DLG3: variants seen among roughly 807,000 people sequenced by gnomAD.
DLG3 encodes discs large MAGUK scaffold protein 3.
DLG3 carries 1 observed loss-of-function variant against 64.1 expected under a neutral mutation model. That is an observed-to-expected ratio of 0.02 (90% CI 0.01 to 0.07). DLG3 has a LOEUF of 0.07. DLG3 is among the 10% of genes least tolerant of loss of function. The pLI is 1.00. For synonymous variants in DLG3, 245 were observed against 259.8 expected (o/e 0.94, Z 0.55); for missense variants, 429 against 669.5 (o/e 0.64, Z 3.96).
chrX:70,473,030 G>A (rs1181969581), intron 9 of DLG3, among the ~76,000 whole-genome samples: 24 of 108,189 alleles, frequency 2.2e-4, no homozygotes, highest in Non-Finnish European at 2.5e-4. Context: ...GGTGGCAGGC[G>A]CCTGTAATCC....
chrX:70,486,825 A>G (rs781165629), intron 10 of DLG3, among the ~76,000 whole-genome samples: 11 of 110,660 alleles, frequency 9.9e-5, no homozygotes, highest in African/African-American at 3.6e-4. Context: ...CTAAGGATAA[A>G]AGGAGGAAGA....
intron 9 of DLG3, among the ~76,000 whole-genome samples, chrX:70,456,545 T>C (rs1156850412): frequency 5.4e-5 from 6 of 111,832 alleles, no homozygotes; most frequent in Admixed American, 4.7e-4. Context: ...ATTCCTGCAG[T>C]GTTTATTGCT....
At chrX:70,485,496 CG>C (rs2087238269) in intron 10 of DLG3, among the ~76,000 whole-genome samples, 1 of 111,400 alleles carries the variant, frequency 9.0e-6, no homozygotes, top group Non-Finnish European at 1.9e-5. Flanking sequence ...AGGGGACTGA[CG>C]GAGCATCTCA....
At chrX:70,464,284 C>G (rs373109909) in intron 9 of DLG3, among the ~76,000 whole-genome samples, 8 of 92,367 alleles carry the variant, frequency 8.7e-5, no homozygotes, top group Admixed American at 3.8e-4. Context: ...TTTCTCTTTT[C>G]TTTTGTCTCA....
At position 70,452,606 on chromosome X, in the gene DLG3, G is replaced by C. The variant is rs776898687; in HGVS notation, c.1145+580G>C. On this transcript the variant is annotated intron_variant, in intron 7 of 18. Transcript: ENST00000374360. Reference sequence around the variant, plus strand: ...GAGCCGGAAGGGTAGGCAGCCAGGGGAGAGAGAGAGGAGCTATGGAGAGGG... The same window carrying C: ...GAGCCGGAAGGGTAGGCAGCCAGGGCAGAGAGAGAGGAGCTATGGAGAGGG... 6.8e-6 allele frequency: 8 copies of C among 1,168,688 alleles called. No individual in the cohort carries two copies. In the South Asian group the frequency reaches 1.5e-4, roughly 22 times the overall value.
intron 6 of DLG3, chrX:70,451,066 G>A: frequency 2.6e-6 from 1 of 382,243 alleles, no homozygotes; most frequent in East Asian, 4.5e-5. Flanking sequence ...AGAGGATAGT[G>A]CACAGAACTG....
In DLG3 at chrX:70,445,029, C is replaced by T; in HGVS notation, c.-173C>T. ...GGGGCCGAGGCCCCGGGACGCCCGC[C>T]CGGCCCCAGGCCCCGCTCAGCCCGG... On this transcript the variant is annotated 5_prime_UTR_variant, in exon 1 of 19. Transcript: ENST00000374360. The T allele has an allele frequency of 3.4e-6, 1 of 294,500 alleles. No homozygotes were observed. Among genetic ancestry groups the T allele is most frequent in the Non-Finnish European group, 5.7e-6 (1 of 174,090 alleles). 24.3% of individuals were successfully genotyped at this position (294,500 alleles called of 1,213,427 possible).
Position 70,480,826 on chromosome X carries a change from C to T in DLG3, c.1520+1562C>T, listed in dbSNP as rs776372758. Reference sequence around the variant, plus strand: ...GCTTTATTTTTAGATTTCCCCTCTCCGCCTATCCTGTGTTAGAGTTCTCTC... The same window carrying T: ...GCTTTATTTTTAGATTTCCCCTCTCTGCCTATCCTGTGTTAGAGTTCTCTC... On this transcript the variant is annotated intron_variant, in intron 10 of 18. Coordinates refer to ENST00000374360, the MANE Select transcript of DLG3 (RefSeq NM_021120.4). Among the ~76,000 whole-genome samples, 9 of 112,168 alleles carry T rather than the reference C, an allele frequency of 8.0e-5. No homozygotes were observed. In the South Asian group the frequency reaches 1.1e-3, roughly 14 times the overall value.
chrX:70,498,353 AG>A (rs1310223684), intron 13 of DLG3, among the ~76,000 whole-genome samples, 166 bp from the exon 14 acceptor site: 4 of 112,461 alleles, frequency 3.6e-5, no homozygotes, highest in African/African-American at 1.3e-4. Flanking sequence ...TCTCAGAGCC[AG>A]TGAAGGGTTT....
At chrX:70,452,169 G>A (rs1442384790) in intron 7 of DLG3, 143 bp downstream of exon 7, 1 of 1,079,981 alleles carries the variant, frequency 9.3e-7, no homozygotes, top group Non-Finnish European at 1.2e-6. Flanking sequence ...GGGGTCCGAG[G>A]CCCTCTCTCA....
intron 9 of DLG3, among the ~76,000 whole-genome samples, chrX:70,472,031 C>G (rs1380273990): frequency 8.9e-6 from 1 of 111,915 alleles, no homozygotes; most frequent in African/African-American, 3.2e-5. Context: ...AGTGCTATCT[C>G]AAGCACTTAT....
rs1449900250 is a variant in DLG3 at position 70,446,423 on chromosome X, G to A, written c.357+865G>A. 3.6e-5 allele frequency among the ~76,000 whole-genome samples: 4 copies of A among 109,687 alleles called. 1 individual carries two copies. The South Asian group carries it at 1.2e-3, about 32-fold the overall frequency. ...AGCTCTGTAGTGTGTGTGCCGGGGT[G>A]GGGTGGCGGGGGGCGGGGGGAGATT... is the stretch of plus-strand genomic sequence containing the variant. On this transcript the variant is annotated intron_variant, in intron 1 of 18. Coordinates refer to ENST00000374360, the MANE Select transcript of DLG3 (RefSeq NM_021120.4).
chrX:70,456,763 T>C lies in DLG3; in HGVS notation c.1405+2447T>C, dbSNP rs111241888. Among the ~76,000 whole-genome samples the C allele has an allele frequency of 8.2e-3, 887 of 108,299 alleles. 3 individuals carry two copies. Among genetic ancestry groups the C allele is most frequent in the Non-Finnish European group, 0.011 (584 of 51,642 alleles). The allele number at this position is 108,299 out of a possible 115,157, so 94.0% of individuals were successfully genotyped here. ...CAACATGCAAAAGCTTTTTTTTTTT[T>C]CCCCTTTTGAAAACAGATCCCTGGA... is the stretch of plus-strand genomic sequence containing the variant. On this transcript the variant is annotated intron_variant, in intron 9 of 18. Transcript: ENST00000374360.
chrX:70,453,577 C>T, intron 7 of DLG3, 60 bp from the exon 8 acceptor site: 2 of 1,190,568 alleles, frequency 1.7e-6, no homozygotes, highest in Non-Finnish European at 2.3e-6. Context: ...CCAGGCTGGC[C>T]CTCAAAGGAC....
At chrX:70,479,022 AC>A (rs2147841513) in intron 9 of DLG3, 127 bp from the exon 10 acceptor site, 2 of 564,459 alleles carry the variant, frequency 3.5e-6, no homozygotes, top group South Asian at 5.1e-5. Flanking sequence ...CAAAGCAAAG[AC>A]TGAGTGGGCT....
Position 70,502,143 on chromosome X carries a change from T to A in DLG3, c.2348-20T>A. ...GTGCTATGGACCACAGTAATAATTTTGTTTTCCTCTTCACTTTAGCCATTG... is the reference window on the plus strand; with the variant it reads ...GTGCTATGGACCACAGTAATAATTTAGTTTTCCTCTTCACTTTAGCCATTG... On this transcript the variant is annotated intron_variant, in intron 18 of 18. Coordinates refer to ENST00000374360, the MANE Select transcript of DLG3 (RefSeq NM_021120.4). The A allele has an allele frequency of 8.8e-7, 1 of 1,134,950 alleles. No homozygotes were observed. The highest frequency in any genetic ancestry group is 1.2e-6 in the Non-Finnish European group (1 of 826,766). 93.5% of individuals were successfully genotyped at this position (1,134,950 alleles called of 1,213,427 possible). A position where few individuals can be genotyped will look rare whatever the true frequency, so the allele number is the denominator to read the frequency against.
At chrX:70,488,267 C>T (rs1337598260) in intron 10 of DLG3, among the ~76,000 whole-genome samples, 2 of 111,821 alleles carry the variant, frequency 1.8e-5, no homozygotes, top group African/African-American at 3.3e-5. Context: ...GCCTCAGTCT[C>T]CCAAAGTGCT....
At chrX:70,454,852 G>C (rs1366675498) in intron 9 of DLG3, among the ~76,000 whole-genome samples, 1 of 112,959 alleles carries the variant, frequency 8.9e-6, no homozygotes, top group African/African-American at 3.2e-5. Flanking sequence ...CCTCCCCTCC[G>C]GGGGGCCTTC....
chrX:70,459,231 C>T (rs970831338), intron 9 of DLG3, among the ~76,000 whole-genome samples: 3 of 111,970 alleles, frequency 2.7e-5, no homozygotes, highest in African/African-American at 9.7e-5. Flanking sequence ...TCCAGGCAGG[C>T]TGGGGGTACA....
Sources: gnomAD v4.1 joint callset for allele counts (sites outside exome capture counted in the v4.1 genomes callset) on GRCh38, gnomAD v4.1.1 for gene constraint, MANE v1.5 for transcripts, NCBI Gene and HGNC (gene_info 2026-07-23, HGNC 2026-07-21) for gene names.